The following AGAP1 variants were observed in gnomAD, a reference collection of about 807,000 sequenced individuals.
AGAP1 encodes the protein arf-GAP with GTPase, ANK repeat and PH domain-containing protein 1.
In AGAP1, 29 loss-of-function variants were observed where a neutral mutation model predicts 105.3. The ratio of observed to expected loss-of-function variants is 0.28; its 90% CI spans 0.21 to 0.38. The LOEUF is 0.38. Among genes scored for constraint, AGAP1 ranks in the 10% least tolerant of loss-of-function variants. The probability of loss-of-function intolerance (pLI) is 1.00; values close to 1 mark genes in which losing one functional copy is unlikely to be tolerated. For synonymous variants in AGAP1, 509 were observed against 485.9 expected, an observed-to-expected ratio of 1.05 and a Z score of -0.63; for missense variants, 998 against 1,165.1, an observed-to-expected ratio of 0.86 and a Z score of 2.09.
At chr2:235,590,733 T>G (rs1945308013) in intron 1 of AGAP1, among the ~76,000 whole-genome samples, 1 of 139,734 alleles carries the variant, frequency 7.2e-6, no homozygotes, top group Non-Finnish European at 1.5e-5. Flanking sequence ...TTTTTTTTTT[T>G]TTTTTGAGGC....
intron 1 of AGAP1, among the ~76,000 whole-genome samples, chr2:235,548,047 G>T (rs1943684838): frequency 6.6e-6 from 1 of 152,234 alleles, no homozygotes; most frequent in Non-Finnish European, 1.5e-5. Flanking sequence ...ACAGAGGGTT[G>T]GCCTCAGGCT....
intron 12 of AGAP1, among the ~76,000 whole-genome samples, chr2:235,941,436 C>T (rs2125214541): frequency 6.6e-6 from 1 of 152,290 alleles, no homozygotes; most frequent in Non-Finnish European, 1.5e-5. Context: ...ACGGAGTTCC[C>T]AGGTCTCTCT....
chr2:236,113,050 T>C lies in AGAP1; in HGVS notation c.2115-7142T>C, dbSNP rs1403666970. Among the ~76,000 whole-genome samples, 2 of 152,262 alleles carry C rather than the reference T, an allele frequency of 1.3e-5. No individual in the cohort carries two copies. Among genetic ancestry groups the C allele is most frequent in the Admixed American group, 1.3e-4 (2 of 15,286 alleles). Reference sequence around the variant, plus strand: ...CAATAAAATCTACCTGTCTCTTCTTTCCTGCAGCCTTTCTTTTTTCCCACG... The same window carrying C: ...CAATAAAATCTACCTGTCTCTTCTTCCCTGCAGCCTTTCTTTTTTCCCACG... On this transcript the variant is annotated intron_variant, in intron 16 of 17. Coordinates refer to ENST00000304032, the MANE Select transcript of AGAP1 (RefSeq NM_001037131.3). The surrounding 1 kb of genome is among the most constrained non-coding windows in gnomAD (Gnocchi z 4.3).
intron 1 of AGAP1, among the ~76,000 whole-genome samples, chr2:235,570,813 G>C (rs1193102633): frequency 1.3e-5 from 2 of 152,234 alleles, no homozygotes; most frequent in Non-Finnish European, 2.9e-5. Context: ...GTGACACTAC[G>C]TGTAGGTGAT....
chr2:235,803,869 GAAAA>G (rs1203375795), intron 8 of AGAP1, among the ~76,000 whole-genome samples: 2 of 151,024 alleles, frequency 1.3e-5, no homozygotes, highest in East Asian at 3.9e-4. Flanking sequence ...TATTTCTTTG[GAAAA>G]AAAACAAACA....
Position 235,968,510 on chromosome 2 carries a change from C to T in AGAP1, c.1532C>T (p.Thr511Ile). The change falls in exon 13 of 18, where the codon ACC becomes ATC. Residue 511 changes from threonine (T) to isoleucine (I), a missense_variant. By Grantham distance (89) the Thr-to-Ile change is moderately conservative. Transcript: ENST00000304032. ...SVCSSPSISSTTSPKLDPPPS... is the reference protein window; with the variant it reads ...SVCSSPSISSITSPKLDPPPS... ...TGCTCCAGCCCCAGTATCTCCAGCA[C>T]CACCAGCCCCAAGCTCGACCCGCCC... 6.2e-7 allele frequency: 1 copy of T among 1,612,238 alleles called. No individual in the cohort carries two copies. The highest frequency in any genetic ancestry group is 8.5e-7 in the Non-Finnish European group (1 of 1,179,438).
Position 235,718,439 on chromosome 2 carries a change from G to A in AGAP1, c.310+795G>A, listed in dbSNP as rs893176717. On this transcript the variant is annotated intron_variant, in intron 3 of 17. Transcript: ENST00000304032. ...GGCAGCGCTTGTCTTGTTTTGGAGA[G>A]AGAGGAAAGGCACCACTTTGTACTG... The A allele has an allele frequency of 1.1e-4, 106 of 974,490 alleles. No homozygotes were observed. In the African/African-American group the frequency reaches 1.8e-3, roughly 16 times the overall value. 60.4% of individuals were successfully genotyped at this position (974,490 alleles called of 1,614,324 possible). A position where few individuals can be genotyped will look rare whatever the true frequency, so the allele number is the denominator to read the frequency against.
At chr2:235,926,230 C>T (rs1214847612) in intron 11 of AGAP1, among the ~76,000 whole-genome samples, 1 of 152,228 alleles carries the variant, frequency 6.6e-6, no homozygotes, top group African/African-American at 2.4e-5. Context: ...AAGTATGACA[C>T]TATAATTGGA....
At chr2:236,016,755 T>C (rs2056717849) in intron 13 of AGAP1, among the ~76,000 whole-genome samples, 1 of 152,158 alleles carries the variant, frequency 6.6e-6, no homozygotes, top group Admixed American at 6.5e-5. Flanking sequence ...ACTGCAAACA[T>C]GGGGTCCCTC....
At chr2:235,798,809 C>T (rs944198880) in intron 7 of AGAP1, among the ~76,000 whole-genome samples, 1 of 143,494 alleles carries the variant, frequency 7.0e-6, no homozygotes, top group Non-Finnish European at 1.5e-5. Context: ...AAGAGCTAGG[C>T]TGCAGTGAGT....
intron 9 of AGAP1, among the ~76,000 whole-genome samples, chr2:235,847,332 A>G (rs769098582): frequency 2.6e-5 from 4 of 152,252 alleles, no homozygotes; most frequent in African/African-American, 4.8e-5. Flanking sequence ...CCCAAAATAC[A>G]GAATGCTCTT....
rs541299063 is a variant in AGAP1 at position 236,012,248 on chromosome 2, C to T, written c.1646-24313C>T. Among the ~76,000 whole-genome samples, 29 of 152,002 alleles carry T rather than the reference C, an allele frequency of 1.9e-4. No homozygotes were observed. Among genetic ancestry groups the T allele is most frequent in the African/African-American group, 7.0e-4 (29 of 41,462 alleles). On this transcript the variant is annotated intron_variant, in intron 13 of 17. Coordinates refer to ENST00000304032, the MANE Select transcript of AGAP1 (RefSeq NM_001037131.3). This position sits in a 1 kb window ranked among gnomAD's most constrained non-coding sequence, Gnocchi z 4.9. ...TGAAAAATGGAAGGCATAAAGCGGG[C>T]GAGGAAAGAGGCTTTCTGCACTCGG...
chr2:235,726,903 C>G (rs1475923499), intron 3 of AGAP1, among the ~76,000 whole-genome samples: 1 of 152,178 alleles, frequency 6.6e-6, no homozygotes, highest in African/African-American at 2.4e-5. Flanking sequence ...TCTCCTGATG[C>G]ACTGAAGTTC....
intron 1 of AGAP1, among the ~76,000 whole-genome samples, chr2:235,537,857 C>T (rs557372493): frequency 2.2e-4 from 33 of 152,160 alleles, no homozygotes; most frequent in African/African-American, 3.9e-4. Context: ...TTTTTCTGCA[C>T]GGCATTAAGT....
rs2050139130 is a variant in AGAP1 at position 235,883,688 on chromosome 2, A to G, written c.1155+239A>G. On this transcript the variant is annotated intron_variant, in intron 10 of 17. Transcript: ENST00000304032. This position sits in a 1 kb window ranked among gnomAD's most constrained non-coding sequence, Gnocchi z 4.5. ...TGGCTTTCCAATTCTACAAAGAATT[A>G]CAATAAAAGGCACAGATGAAGTAAA... 6.6e-6 allele frequency among the ~76,000 whole-genome samples: 1 copy of G among 152,250 alleles called. No individual in the cohort carries two copies. Among genetic ancestry groups the G allele is most frequent in the Admixed American group, 6.5e-5 (1 of 15,286 alleles).
chr2:235,530,112 A>G (rs1220115535), intron 1 of AGAP1, among the ~76,000 whole-genome samples: 1 of 152,114 alleles, frequency 6.6e-6, no homozygotes, highest in Admixed American at 6.5e-5. Context: ...CGTACCTCTG[A>G]CAGTAAAACT....
intron 12 of AGAP1, among the ~76,000 whole-genome samples, chr2:235,945,787 C>T (rs1221471227): frequency 1.3e-5 from 2 of 150,650 alleles, no homozygotes; most frequent in Admixed American, 6.6e-5. Context: ...ACAAGCTGTA[C>T]AGGAAATGTG....
Position 236,120,075 on chromosome 2 carries a change from C to T in AGAP1, c.2115-117C>T. On this transcript the variant is annotated intron_variant, in intron 16 of 17. Coordinates refer to ENST00000304032, the MANE Select transcript of AGAP1 (RefSeq NM_001037131.3). This position sits in a 1 kb window ranked among gnomAD's most constrained non-coding sequence, Gnocchi z 6.0. Reference sequence around the variant, plus strand: ...AGGGGGCTTTGTGCCGAGTGAAGACCTTTGCTTTCTGTTATTTCACTTCCC... The same window carrying T: ...AGGGGGCTTTGTGCCGAGTGAAGACTTTTGCTTTCTGTTATTTCACTTCCC... The T allele has an allele frequency of 6.9e-7, 1 of 1,440,054 alleles. No individual in the cohort carries two copies. The highest frequency in any genetic ancestry group is 9.4e-7 in the Non-Finnish European group (1 of 1,065,742). The allele number at this position is 1,440,054 out of a possible 1,614,324, so 89.2% of individuals were successfully genotyped here.
intron 1 of AGAP1, among the ~76,000 whole-genome samples, chr2:235,560,763 G>A (rs2149134861): frequency 6.6e-6 from 1 of 152,276 alleles, no homozygotes; most frequent in Non-Finnish European, 1.5e-5. Flanking sequence ...TTGGACTTGT[G>A]ACCCTCAGAA....
Sources: gnomAD v4.1 joint callset for allele counts (sites outside exome capture counted in the v4.1 genomes callset) on GRCh38, gnomAD v4.1.1 for gene constraint, Gnocchi (gnomAD v3.1) non-coding constraint, MANE v1.5 for transcripts, NCBI Gene and HGNC (gene_info 2026-07-23, HGNC 2026-07-21) for gene names.